The following PCDHGA3 variants were observed in gnomAD, a reference collection of about 807,000 sequenced individuals.
PCDHGA3 encodes protocadherin gamma-A3.
PCDHGA3 carries 40 observed loss-of-function variants against 58.5 expected under a neutral mutation model. The observed-to-expected ratio is 0.68, with a 90% CI of 0.53 to 0.89. The LOEUF is 0.89. Among genes scored for constraint, PCDHGA3 ranks in the 40% least tolerant of loss-of-function variants. PCDHGA3 has a pLI of 0.00. For missense variants in PCDHGA3, 1,223 were observed against 1,195.9 expected (o/e 1.02, Z -0.33); for synonymous variants, 530 against 525.7 (o/e 1.01, Z -0.11).
rs765047622 is a variant in PCDHGA3 at position 141,486,776 on chromosome 5, G to A, written c.2425-8031G>A. On this transcript the variant is annotated intron_variant, in intron 1 of 3. Coordinates refer to ENST00000253812, the MANE Select transcript of PCDHGA3 (RefSeq NM_018916.4). This position sits in a 1 kb window ranked among gnomAD's most constrained non-coding sequence, Gnocchi z 5.0. ...GCAAACCCAGACACTGCAGTTTGAGGTGCAGGCCCGGGATCGGGGCAACCC... is the reference window on the plus strand; with the variant it reads ...GCAAACCCAGACACTGCAGTTTGAGATGCAGGCCCGGGATCGGGGCAACCC... 1.2e-6 allele frequency: 2 copies of A among 1,614,254 alleles called. No individual in the cohort carries two copies. Among genetic ancestry groups the A allele is most frequent in the Non-Finnish European group, 1.7e-6 (2 of 1,180,050 alleles).
rs761492460 is a variant in PCDHGA3, at chr5:141,389,630, T to C, written c.2424+43173T>C. The C allele has an allele frequency of 9.9e-6, 16 of 1,612,872 alleles. No homozygotes were observed. The Admixed American group carries it at 1.8e-4, about 18-fold the overall frequency. ...ATATGGTGCCGCACGCTGCAGAGCC[T>C]GGCTACTTGGTGACCAAGGTAGTGG... On this transcript the variant is annotated intron_variant, in intron 1 of 3. Coordinates refer to ENST00000253812, the MANE Select transcript of PCDHGA3 (RefSeq NM_018916.4).
intron 1 of PCDHGA3, chr5:141,375,792 A>G: frequency 6.2e-7 from 1 of 1,614,190 alleles, no homozygotes; most frequent in Non-Finnish European, 8.5e-7. Flanking sequence ...CTCCCCACAG[A>G]CGGTTCCACT....
intron 1 of PCDHGA3, chr5:141,372,333 C>G: frequency 6.2e-7 from 1 of 1,613,732 alleles, no homozygotes; most frequent in Non-Finnish European, 8.5e-7. Context: ...GGTCACTGTG[C>G]GTGATGGAGG....
intron 1 of PCDHGA3, chr5:141,385,154 C>A (rs761681846): frequency 6.2e-7 from 1 of 1,614,208 alleles, no homozygotes; most frequent in Admixed American, 1.7e-5. Context: ...TTCCTGCAGA[C>A]CTATTCCCAT....
At chr5:141,470,202 A>G (rs928782890) in intron 1 of PCDHGA3, among the ~76,000 whole-genome samples, 9 of 152,216 alleles carry the variant, frequency 5.9e-5, no homozygotes, top group Non-Finnish European at 1.2e-4. Flanking sequence ...GATAAATATG[A>G]AGGCTAAACC....
chr5:141,408,527 G>T lies in PCDHGA3; in HGVS notation c.2424+62070G>T, dbSNP rs1239443007. ...AAGATGTGAGTTGCAATTGGAAGCT[G>T]TGGTGGAAAATCCTTTAAATATTTT... On this transcript the variant is annotated intron_variant, in intron 1 of 3. Coordinates refer to ENST00000253812, the MANE Select transcript of PCDHGA3 (RefSeq NM_018916.4). 2.5e-6 allele frequency: 4 copies of T among 1,613,954 alleles called. No homozygotes were observed. The African/African-American group carries it at 5.3e-5, about 22-fold the overall frequency.
At position 141,438,591 on chromosome 5, in the gene PCDHGA3, CATATATATATATAT is replaced by C. The variant is rs946798767; in HGVS notation, c.2425-56184_2425-56171del. Among the ~76,000 whole-genome samples the C allele has an allele frequency of 7.9e-5, 6 of 75,562 alleles. No individual in the cohort carries two copies. The East Asian group carries it at 1.7e-3, about 22-fold the overall frequency. 49.6% of individuals were successfully genotyped at this position (75,562 alleles called of 152,430 possible). On this transcript the variant is annotated intron_variant, in intron 1 of 3. Transcript: ENST00000253812. ...TCTGATATACATACATACATACATA[CATATATATATATAT>C]ATATATATATATATATATATATATA...
chr5:141,461,255 G>A (rs1466460215), intron 1 of PCDHGA3, among the ~76,000 whole-genome samples: 1 of 152,098 alleles, frequency 6.6e-6, no homozygotes. Flanking sequence ...ATTCCCAGCA[G>A]CAATGTGTAA....
intron 1 of PCDHGA3, chr5:141,423,526 A>G (rs1229909527): frequency 6.2e-7 from 1 of 1,613,690 alleles, no homozygotes; most frequent in Non-Finnish European, 8.5e-7. Flanking sequence ...CTCGCAGAAG[A>G]GTCACCTGAT....
At chr5:141,504,147 T>C (rs2099836026) in intron 2 of PCDHGA3, among the ~76,000 whole-genome samples, 1 of 152,198 alleles carries the variant, frequency 6.6e-6, no homozygotes, top group South Asian at 2.1e-4. Flanking sequence ...CCCCTGCAAA[T>C]TGAAATAATT....
At chr5:141,405,603 T>A in intron 1 of PCDHGA3, 1 of 571,444 alleles carries the variant, frequency 1.7e-6, no homozygotes, top group Non-Finnish European at 3.1e-6. Flanking sequence ...CCAAGTAGAA[T>A]AACTGGGACT....
Position 141,345,563 on chromosome 5 carries a change from C to A in PCDHGA3, c.1530C>A (p.Asn510Lys). The change falls in exon 1 of 4, where the codon AAC (asparagine) becomes AAA (lysine). Residue 510 changes from asparagine (N) to lysine (K), a missense_variant. Physicochemically the swap from Asn to Lys is moderately conservative, Grantham distance 94 (BLOSUM62 0). This residue lies in a region of PCDHGA3 where 791 missense variants were observed against 708.5 expected (regional missense o/e 1.12). Transcript: ENST00000253812. ...PLSSFVSINSNTGVLYALRSF... is the reference protein window; with the variant it reads ...PLSSFVSINSKTGVLYALRSF... The stretch of plus-strand genomic sequence containing the variant: ...CCTCCTTCGTCTCTATCAACTCCAA[C>A]ACTGGCGTCCTATACGCGCTGAGAT... 2.5e-6 allele frequency: 4 copies of A among 1,614,220 alleles called. No homozygotes were observed. Among genetic ancestry groups the A allele is most frequent in the Non-Finnish European group, 3.4e-6 (4 of 1,180,038 alleles).
At chr5:141,355,926 C>T (rs1394652053) in intron 1 of PCDHGA3, 5 of 1,613,758 alleles carry the variant, frequency 3.1e-6, no homozygotes, top group Admixed American at 1.7e-5. Context: ...CTCCCGTGTT[C>T]ACTCAGCCCG....
chr5:141,398,707 C>T, intron 1 of PCDHGA3: 1 of 1,613,860 alleles, frequency 6.2e-7, no homozygotes, highest in Non-Finnish European at 8.5e-7. Flanking sequence ...ATACCCGGAA[C>T]TGGCACTGGA....
At position 141,490,207 on chromosome 5, in the gene PCDHGA3, C is replaced by G. The variant is rs142098675; in HGVS notation, c.2425-4600C>G. ...TTTCTATGAAATTCATGCAAGAGCC[C>G]GTGACCAGGGACAGCCTGCCATGGA... On this transcript the variant is annotated intron_variant, in intron 1 of 3. Coordinates refer to ENST00000253812, the MANE Select transcript of PCDHGA3 (RefSeq NM_018916.4). This position sits in a 1 kb window ranked among gnomAD's most constrained non-coding sequence, Gnocchi z 5.4. 2.9e-4 allele frequency: 470 copies of G among 1,614,056 alleles called. 1 individual carries two copies. Among genetic ancestry groups the G allele is most frequent in the Non-Finnish European group, 3.7e-4 (439 of 1,180,030 alleles).
chr5:141,421,322 T>TC (rs761059925), intron 1 of PCDHGA3: 24 of 1,613,746 alleles, frequency 1.5e-5, no homozygotes, highest in Middle Eastern at 1.6e-4. Flanking sequence ...GCCAGGCAGA[T>TC]CCGATATTCG....
Position 141,489,252 on chromosome 5 carries a change from G to A in PCDHGA3, c.2425-5555G>A. 2 of 1,547,622 alleles carry A rather than the reference G, an allele frequency of 1.3e-6. No individual in the cohort carries two copies. Among genetic ancestry groups the A allele is most frequent in the Non-Finnish European group, 1.7e-6 (2 of 1,147,198 alleles). On this transcript the variant is annotated intron_variant, in intron 1 of 3. Coordinates refer to ENST00000253812, the MANE Select transcript of PCDHGA3 (RefSeq NM_018916.4). The surrounding 1 kb of genome is among the most constrained non-coding windows in gnomAD (Gnocchi z 4.5). ...GGGACTTCTGGGTCATGGGGCCCAAGACACTCCCACAGCTCGCTGGGAAAT... is the reference window on the plus strand; with the variant it reads ...GGGACTTCTGGGTCATGGGGCCCAAAACACTCCCACAGCTCGCTGGGAAAT...
chr5:141,399,488 TAGTC>T (rs778579612), intron 1 of PCDHGA3: 12 of 1,613,904 alleles, frequency 7.4e-6, no homozygotes, highest in Admixed American at 1.7e-5. Flanking sequence ...GCGTCCTACT[TAGTC>T]AGTGTACCCG....
At chr5:141,420,259 G>A (rs775335307) in intron 1 of PCDHGA3, 8 of 1,564,678 alleles carry the variant, frequency 5.1e-6, no homozygotes, top group Non-Finnish European at 6.9e-6. Context: ...AAGCAGATAA[G>A]AAGATTCTTA....
Sources: gnomAD v4.1 joint callset for allele counts (sites outside exome capture counted in the v4.1 genomes callset) on GRCh38, gnomAD v4.1.1 for gene constraint, gnomAD v4.1.1 regional missense constraint, Gnocchi (gnomAD v3.1) non-coding constraint, MANE v1.5 for transcripts, NCBI Gene and HGNC (gene_info 2026-07-23, HGNC 2026-07-21) for gene names.